The following PLEKHG4B variants were observed in gnomAD, a reference collection of about 807,000 sequenced individuals.
The protein encoded by PLEKHG4B is pleckstrin homology domain-containing family G member 4B.
A neutral mutation model predicts 121.3 loss-of-function variants in PLEKHG4B; 111 were observed. The ratio of observed to expected loss-of-function variants is 0.92; its 90% CI spans 0.78 to 1.07. The LOEUF is 1.07. PLEKHG4B is among the 50% of genes least tolerant of loss of function. PLEKHG4B has a pLI of 0.00. For synonymous variants in PLEKHG4B, 738 were observed against 725.0 expected, an observed-to-expected ratio of 1.02 and a Z score of -0.29; for missense variants, 1,831 against 1,757.8, an observed-to-expected ratio of 1.04 and a Z score of -0.74.
intron 1 of PLEKHG4B, among the ~76,000 whole-genome samples, chr5:103,155 G>A (rs1733873941): frequency 6.6e-6 from 1 of 152,140 alleles, no homozygotes; most frequent in Non-Finnish European, 1.5e-5. Context: ...TGCATGGGGT[G>A]GGGACAGACA....
rs10040005 is a variant in PLEKHG4B at position 182,382 on chromosome 5, G to A, written c.*59G>A. On this transcript the variant is annotated 3_prime_UTR_variant, in exon 20 of 20. Transcript: ENST00000637938. Reference sequence around the variant, plus strand: ...TAGAACAATACAGAGGGAGCAGCACGCCAGGCCTGATGACTCTGGGGGTGG... The same window carrying A: ...TAGAACAATACAGAGGGAGCAGCACACCAGGCCTGATGACTCTGGGGGTGG... The A allele has an allele frequency of 5.9e-4, 876 of 1,495,654 alleles. 4 individuals are homozygous for A. In the African/African-American group the frequency reaches 0.01, roughly 18 times the overall value. 92.6% of individuals were successfully genotyped at this position (1,495,654 alleles called of 1,614,324 possible).
In PLEKHG4B at chr5:172,983, C is replaced by A; in HGVS notation, c.4137C>A (p.Phe1379Leu). 1 of 1,614,112 alleles carries A rather than the reference C, an allele frequency of 6.2e-7. No individual in the cohort carries two copies. Among genetic ancestry groups the A allele is most frequent in the African/African-American group, 1.3e-5 (1 of 75,006 alleles). ...CGRKKYLRHV[F>L]LFEDLILFSK... is the part of the protein sequence containing the mutation. Reference sequence around the variant, plus strand: ...GGAAGAAGTATCTGAGGCATGTGTTCCTCTTTGAAGACCTCATCCTGTTTA... The same window carrying A: ...GGAAGAAGTATCTGAGGCATGTGTTACTCTTTGAAGACCTCATCCTGTTTA... Residue 1379 changes from phenylalanine (F) to leucine (L), a missense_variant, in exon 17 of 20, where the codon TTC (phenylalanine) becomes TTA (leucine). Coordinates refer to ENST00000637938, the MANE Select transcript of PLEKHG4B (RefSeq NM_052909.5).
intron 2 of PLEKHG4B, among the ~76,000 whole-genome samples, chr5:121,245 TA>T (rs1485281005): frequency 7.0e-4 from 95 of 136,280 alleles, no homozygotes; most frequent in Admixed American, 9.5e-4. Context: ...AGACTCCGTC[TA>T]AAAAAAAAAA....
chr5:161,885 G>A lies in PLEKHG4B; in HGVS notation c.2590G>A (p.Ala864Thr), dbSNP rs780766845. 1.9e-6 allele frequency: 3 copies of A among 1,613,740 alleles called. No homozygotes were observed. Among genetic ancestry groups the A allele is most frequent in the South Asian group, 1.1e-5 (1 of 91,092 alleles). ...RRGLSAVVSQ[A>T]ECREGELARW... ...GGGCCTGAGCGCCGTGGTCAGCCAG[G>A]CTGAGTGCAGGGAGGGAGAGCTGGC... Residue 864 changes from alanine (A) to threonine (T), a missense_variant, in exon 12 of 20, where the codon GCT becomes ACT. Transcript: ENST00000637938.
chr5:109,930 C>T (rs929013113), intron 1 of PLEKHG4B, among the ~76,000 whole-genome samples: 4 of 152,108 alleles, frequency 2.6e-5, no homozygotes, highest in Admixed American at 2.6e-4. Context: ...CAATCAGCAA[C>T]ACACGTGCAC....
intron 1 of PLEKHG4B, among the ~76,000 whole-genome samples, chr5:102,378 A>G (rs1579234111): frequency 6.6e-6 from 1 of 152,140 alleles, no homozygotes; most frequent in African/African-American, 2.4e-5. Context: ...CCAGAATGCT[A>G]TAAATAGAAT....
At chr5:123,728 T>G (rs774381505) in intron 2 of PLEKHG4B, among the ~76,000 whole-genome samples, 12 of 152,180 alleles carry the variant, frequency 7.9e-5, no homozygotes, top group Non-Finnish European at 1.2e-4. Context: ...TTAATCTGAT[T>G]TTAGTAACAT....
chr5:142,712 GCAGT>G (rs1735259093), intron 3 of PLEKHG4B, among the ~76,000 whole-genome samples: 1 of 152,052 alleles, frequency 6.6e-6, no homozygotes, highest in Non-Finnish European at 1.5e-5. Flanking sequence ...ACATGCACGC[GCAGT>G]CACACACCAC....
rs1269901062 is a variant in PLEKHG4B at position 143,514 on chromosome 5, G to A, written c.1811+11G>A. 6.2e-7 allele frequency: 1 copy of A among 1,612,372 alleles called. No homozygotes were observed. The highest frequency in any genetic ancestry group is 1.3e-5 in the African/African-American group (1 of 74,912). ...CCATAGCATCCCCAGGTGGGACGGGGGGCAAGGCCGCACCCTGCAGACCCA... is the reference window on the plus strand; with the variant it reads ...CCATAGCATCCCCAGGTGGGACGGGAGGCAAGGCCGCACCCTGCAGACCCA... On this transcript the variant is annotated intron_variant, in intron 5 of 19. Coordinates refer to ENST00000637938, the MANE Select transcript of PLEKHG4B (RefSeq NM_052909.5).
At chr5:164,035 G>A (rs750270274) in intron 13 of PLEKHG4B, among the ~76,000 whole-genome samples, 8 of 152,232 alleles carry the variant, frequency 5.3e-5, no homozygotes, top group Non-Finnish European at 8.8e-5. Flanking sequence ...GGGCGCACTC[G>A]GCCCCTGCCT....
At chr5:116,156 C>T (rs936258613) in intron 2 of PLEKHG4B, among the ~76,000 whole-genome samples, 1 of 152,102 alleles carries the variant, frequency 6.6e-6, no homozygotes, top group Non-Finnish European at 1.5e-5. Flanking sequence ...GTTACTTAGC[C>T]TAATTTCAAT....
Position 157,075 on chromosome 5 carries a change from GAAAT to G in PLEKHG4B, c.2487+169_2487+172del. 9.3e-7 allele frequency: 1 copy of G among 1,074,994 alleles called. No homozygotes were observed. The highest frequency in any genetic ancestry group is 1.4e-6 in the Non-Finnish European group (1 of 736,448). 66.6% of individuals were successfully genotyped at this position (1,074,994 alleles called of 1,614,324 possible). On this transcript the variant is annotated intron_variant, in intron 11 of 19. Transcript: ENST00000637938. This position sits in a 1 kb window ranked among gnomAD's most constrained non-coding sequence, Gnocchi z 4.6. ...GCATGCCTTGCTGCTTGTGTAAAAA[GAAAT>G]AAATTTTATTTTTTACGTGAGAGAT...
At chr5:111,250 C>T (rs1238152673) in intron 1 of PLEKHG4B, among the ~76,000 whole-genome samples, 1 of 152,266 alleles carries the variant, frequency 6.6e-6, no homozygotes. Flanking sequence ...GGTTACTCAG[C>T]ACCTCAACCT....
At chr5:142,971 G>GTCC in intron 3 of PLEKHG4B, 76 bp from the exon 4 acceptor site, 2 of 1,387,650 alleles carry the variant, frequency 1.4e-6, no homozygotes, top group Non-Finnish European at 2.0e-6. Flanking sequence ...ATGGTTCATA[G>GTCC]CAAGCTGAGC....
Position 139,627 on chromosome 5 carries a change from T to A in PLEKHG4B, c.388T>A (p.Ser130Thr). Reference sequence around the variant, plus strand: ...GCAGGTCACGTCGGCGGGGAAGCAGTCAGCTAGACTGGTCTTGAAATGCCT... The same window carrying A: ...GCAGGTCACGTCGGCGGGGAAGCAGACAGCTAGACTGGTCTTGAAATGCCT... ...YLQVTSAGKQ[S>T]ARLVLKCLSR... The change falls in exon 3 of 20, where the codon TCA becomes ACA. Residue 130 changes from serine to threonine, a missense_variant. Physicochemically the swap from Ser to Thr is moderately conservative, Grantham distance 58. Coordinates refer to ENST00000637938, the MANE Select transcript of PLEKHG4B (RefSeq NM_052909.5). This position sits in a 1 kb window ranked among gnomAD's most constrained non-coding sequence, Gnocchi z 5.0. The A allele has an allele frequency of 5.0e-6, 2 of 398,736 alleles. No homozygotes were observed. 24.7% of individuals were successfully genotyped at this position (398,736 alleles called of 1,614,324 possible). A position where few individuals can be genotyped will look rare whatever the true frequency, so the allele number is the denominator to read the frequency against.
At chr5:109,474 A>G (rs3866909) in intron 1 of PLEKHG4B, among the ~76,000 whole-genome samples, 9,753 of 147,846 alleles carry the variant, frequency 0.066, 448 homozygotes, top group Non-Finnish European at 0.091. Context: ...TCCCATACCC[A>G]CCCCCAGGTG....
chr5:161,195 C>T (rs1253522899), intron 11 of PLEKHG4B, among the ~76,000 whole-genome samples: 1 of 152,266 alleles, frequency 6.6e-6, no homozygotes, highest in African/African-American at 2.4e-5. Flanking sequence ...CGCGTAGCCA[C>T]AGGCGCTCCG....
chr5:133,402 A>G (rs907551898), intron 2 of PLEKHG4B, among the ~76,000 whole-genome samples: 1 of 152,118 alleles, frequency 6.6e-6, no homozygotes, highest in Non-Finnish European at 1.5e-5. Context: ...TCTGACTAAT[A>G]TCCAGAATCT....
intron 13 of PLEKHG4B, among the ~76,000 whole-genome samples, chr5:164,080 C>T (rs1736150651): frequency 6.6e-6 from 1 of 152,258 alleles, no homozygotes; most frequent in Non-Finnish European, 1.5e-5. Context: ...ATCTTCCACC[C>T]ATGTGGTACT....
Sources: allele counts gnomAD v4.1 joint callset (sites outside exome capture counted in the v4.1 genomes callset), GRCh38; gene constraint gnomAD v4.1.1; non-coding constraint Gnocchi (gnomAD v3.1); transcripts MANE v1.5; gene names NCBI Gene and HGNC (gene_info 2026-07-23, HGNC 2026-07-21).